Variants in SATL1 observed in about 807,000 individuals in gnomAD.
The protein encoded by SATL1 is spermidine/spermine N1-acetyl transferase like 1, also known as spermidine/spermine N(1)-acetyltransferase-like protein 1.
In SATL1, 47 loss-of-function variants were observed where a neutral mutation model predicts 51.8. The ratio of observed to expected loss-of-function variants is 0.91; its 90% confidence interval spans 0.72 to 1.16. The LOEUF (loss-of-function observed/expected upper bound fraction) is 1.16, where lower values mean the gene tolerates loss of function less well. Ranked by LOEUF, SATL1 falls within the 50% of genes most tolerant of loss-of-function variation. The probability of loss-of-function intolerance (pLI) is 0.00; values close to 1 mark genes in which losing one functional copy is unlikely to be tolerated. For missense variants in SATL1, 520 were observed against 526.4 expected, an observed-to-expected ratio of 0.99 and a Z score of 0.12; for synonymous variants, 176 against 182.4, an observed-to-expected ratio of 0.97 and a Z score of 0.28.
At chrX:85,190,374 T>G (rs1927408691) in intron 2 of SATL1, among the ~76,000 whole-genome samples, 1 of 111,711 alleles carries the variant, frequency 9.0e-6, no homozygotes, top group African/African-American at 3.3e-5. Context: ...ATCCACACAC[T>G]TTGGCATCTA....
chrX:85,151,621 A>G lies in SATL1; in HGVS notation c.-312-42341T>C, dbSNP rs1255209970. On this transcript the variant is annotated intron_variant, in intron 2 of 7. Coordinates refer to ENST00000644105, the MANE Select transcript of SATL1 (RefSeq NM_001367857.2). Reference sequence around the variant, plus strand: ...ATGGTACCGGTACCAAAACAGAGATATAGACCAATGGAACAGAACAGAGCC... The same window carrying G: ...ATGGTACCGGTACCAAAACAGAGATGTAGACCAATGGAACAGAACAGAGCC... 5.2e-4 allele frequency among the ~76,000 whole-genome samples: 58 copies of G among 111,376 alleles called. 1 individual carries two copies. Among genetic ancestry groups the G allele is most frequent in the Non-Finnish European group, 9.4e-5 (5 of 53,119 alleles).
At chrX:85,213,087 C>T (rs933505615) in intron 2 of SATL1, among the ~76,000 whole-genome samples, 2 of 111,347 alleles carry the variant, frequency 1.8e-5, no homozygotes, top group East Asian at 5.6e-4. Flanking sequence ...TACGTATTAA[C>T]ATACCTATAT....
At chrX:85,152,638 T>C (rs1394942940) in intron 2 of SATL1, among the ~76,000 whole-genome samples, 2 of 111,524 alleles carry the variant, frequency 1.8e-5, no homozygotes, top group Non-Finnish European at 3.8e-5. Flanking sequence ...TATGCAGCCA[T>C]AAAAAATGAT....
intron 1 of SATL1, among the ~76,000 whole-genome samples, chrX:85,225,185 G>C (rs1322470705): frequency 1.8e-5 from 2 of 111,874 alleles, no homozygotes; most frequent in Non-Finnish European, 3.8e-5. Context: ...TGATGAAATT[G>C]TTCTGTATCT....
chrX:85,228,231 C>T (rs1298776316), intron 1 of SATL1, among the ~76,000 whole-genome samples: 1 of 111,157 alleles, frequency 9.0e-6, no homozygotes, highest in African/African-American at 3.3e-5. Context: ...CCTGCCTCTG[C>T]TCTTGTCATT....
chrX:85,182,620 A>G (rs1419107734), intron 2 of SATL1, among the ~76,000 whole-genome samples: 2 of 111,807 alleles, frequency 1.8e-5, no homozygotes, highest in Non-Finnish European at 3.8e-5. Flanking sequence ...TTGCTAAATC[A>G]TATGTTAGTT....
intron 2 of SATL1, among the ~76,000 whole-genome samples, chrX:85,149,242 A>T (rs932829117): frequency 1.8e-5 from 2 of 111,768 alleles, no homozygotes. Flanking sequence ...TGGTAAAGGG[A>T]TCAATTCAAC....
chrX:85,166,519 T>TA (rs1371912945), intron 2 of SATL1, among the ~76,000 whole-genome samples: 11 of 111,411 alleles, frequency 9.9e-5, no homozygotes, highest in Non-Finnish European at 1.7e-4. Context: ...ATGAATATAT[T>TA]AAAAAATGCC....
chrX:85,233,339 C>G (rs34101124), intron 1 of SATL1, among the ~76,000 whole-genome samples: 14,445 of 111,609 alleles, frequency 0.13, 710 homozygotes, highest in South Asian at 0.17. Flanking sequence ...AGCCCAGACT[C>G]TGAAGATTAC....
chrX:85,111,843 C>A (rs930642067), intron 2 of SATL1, among the ~76,000 whole-genome samples: 1 of 111,676 alleles, frequency 9.0e-6, no homozygotes, highest in African/African-American at 3.3e-5. Context: ...TACATACAAT[C>A]CCCTTTTTCT....
chrX:85,233,228 G>T, intron 1 of SATL1, among the ~76,000 whole-genome samples: 1 of 111,756 alleles, frequency 8.9e-6, no homozygotes, highest in Non-Finnish European at 1.9e-5. Context: ...GTGGTCTTGG[G>T]GTGTCTCCTA....
At chrX:85,097,695 A>G (rs1924771214) in intron 4 of SATL1, among the ~76,000 whole-genome samples, 1 of 112,219 alleles carries the variant, frequency 8.9e-6, no homozygotes, top group Non-Finnish European at 1.9e-5. Flanking sequence ...TGACATCAAT[A>G]ACAGAAGAGG....
chrX:85,207,112 ATAAT>A (rs1193498388), intron 2 of SATL1: 1 of 111,624 alleles, frequency 9.0e-6, no homozygotes, highest in Non-Finnish European at 1.9e-5. Flanking sequence ...GAGTAGAAAA[ATAAT>A]TAATTAGGGA....
intron 2 of SATL1, among the ~76,000 whole-genome samples, chrX:85,150,958 C>A (rs772892047): frequency 9.0e-6 from 1 of 111,289 alleles, no homozygotes; most frequent in South Asian, 3.8e-4. Context: ...GTTGGAAGTT[C>A]CGGCCAGGGT....
chrX:85,143,148 C>A (rs1926149056), intron 2 of SATL1: 2 of 111,877 alleles, frequency 1.8e-5, no homozygotes, highest in African/African-American at 3.2e-5. Context: ...ACAAATAGTT[C>A]TTGGAAATAA....
intron 2 of SATL1, among the ~76,000 whole-genome samples, chrX:85,158,396 C>T (rs1926642263): frequency 9.0e-6 from 1 of 111,678 alleles, no homozygotes; most frequent in Non-Finnish European, 1.9e-5. Context: ...AATTAGAAAT[C>T]CCAATACATT....
chrX:85,214,514 C>T (rs184877336), intron 2 of SATL1, among the ~76,000 whole-genome samples: 4 of 111,227 alleles, frequency 3.6e-5, no homozygotes, highest in African/African-American at 9.8e-5. Flanking sequence ...TACCCCTGAA[C>T]GCCTAAGTAT....
intron 1 of SATL1, among the ~76,000 whole-genome samples, chrX:85,225,493 G>A (rs2147763122): frequency 8.9e-6 from 1 of 112,069 alleles, no homozygotes; most frequent in African/African-American, 3.2e-5. Flanking sequence ...GGAGTACTAA[G>A]GAATACAACA....
intron 1 of SATL1, among the ~76,000 whole-genome samples, chrX:85,225,285 G>T (rs943535105): frequency 8.9e-6 from 1 of 111,814 alleles, no homozygotes; most frequent in Non-Finnish European, 1.9e-5. Flanking sequence ...TAGGGAAATT[G>T]GAATAACATG....
Sources: gnomAD v4.1 joint callset for allele counts (sites outside exome capture counted in the v4.1 genomes callset) on GRCh38, gnomAD v4.1.1 for gene constraint, MANE v1.5 for transcripts, NCBI Gene and HGNC (gene_info 2026-07-23, HGNC 2026-07-21) for gene names.